Variants in MX2 observed in about 807,000 individuals in gnomAD.
MX2 encodes the protein interferon-induced GTP-binding protein Mx2.
Under a neutral mutation model 74.0 loss-of-function variants are expected in MX2, and 51 were observed. That is an observed-to-expected ratio of 0.69 (90% CI 0.55 to 0.87). The LOEUF (loss-of-function observed/expected upper bound fraction) is 0.87. Among genes scored for constraint, MX2 ranks in the 40% least tolerant of loss-of-function variants. The pLI is 0.00. For missense variants in MX2, 832 were observed against 908.7 expected (o/e 0.92, Z 1.09); for synonymous variants, 369 against 339.3 (o/e 1.09, Z -0.96).
At chr21:41,373,063 A>G (rs1362266974) in intron 1 of MX2, 1 of 152,214 alleles carries the variant, frequency 6.6e-6, no homozygotes, top group African/African-American at 2.4e-5. Flanking sequence ...GGCAGAATCC[A>G]TCAGGAAAGA....
chr21:41,372,845 A>T (rs1293155073), intron 1 of MX2: 2 of 152,256 alleles, frequency 1.3e-5, no homozygotes, highest in Non-Finnish European at 1.5e-5. Context: ...GAAATAGCTC[A>T]CATGAAGAGA....
At chr21:41,381,512 C>T (rs1014460859) in intron 4 of MX2, among the ~76,000 whole-genome samples, 1 of 151,964 alleles carries the variant, frequency 6.6e-6, no homozygotes, top group Non-Finnish European at 1.5e-5. Context: ...GGTGAAACCC[C>T]GTCTCTTCTA....
chr21:41,367,070 T>C (rs1046793506), intron 1 of MX2: 3 of 152,228 alleles, frequency 2.0e-5, no homozygotes, highest in Non-Finnish European at 4.4e-5. Flanking sequence ...GCCGCTCTGA[T>C]TGACCATAGC....
At chr21:41,371,411 T>G (rs1463692912) in intron 1 of MX2, among the ~76,000 whole-genome samples, 1 of 152,178 alleles carries the variant, frequency 6.6e-6, no homozygotes, top group African/African-American at 2.4e-5. Context: ...AAATGGCTCC[T>G]TCCAAAGAGG....
At chr21:41,373,349 C>A (rs1338235019) in intron 1 of MX2, among the ~76,000 whole-genome samples, 1 of 152,160 alleles carries the variant, frequency 6.6e-6, no homozygotes, top group Non-Finnish European at 1.5e-5. Flanking sequence ...CCCCGGCTGT[C>A]ACCAATGCAT....
chr21:41,407,526 A>G (rs2089902741), intron 13 of MX2, among the ~76,000 whole-genome samples: 1 of 152,152 alleles, frequency 6.6e-6, no homozygotes, highest in African/African-American at 2.4e-5. Context: ...ATAGCTTTTA[A>G]ACTGCAAAGA....
chr21:41,368,561 A>G lies in MX2; in HGVS notation c.-72+6506A>G, dbSNP rs78736162. On this transcript the variant is annotated intron_variant, in intron 1 of 13. Coordinates refer to ENST00000330714, the MANE Select transcript of MX2 (RefSeq NM_002463.2). This position sits in a 1 kb window ranked among gnomAD's most constrained non-coding sequence, Gnocchi z 4.6. The stretch of plus-strand genomic sequence containing the variant: ...AACTTTTCACCCCTTTATTTTGCAG[A>G]GCAATCTGTGCCCAGCTCCTGTCCT... Among the ~76,000 whole-genome samples the G allele has an allele frequency of 0.035, 5,255 of 152,304 alleles. 118 individuals are homozygous for G. Among genetic ancestry groups the G allele is most frequent in the Middle Eastern group, 0.075 (22 of 294 alleles).
intron 8 of MX2, among the ~76,000 whole-genome samples, chr21:41,398,258 A>G (rs2089761575): frequency 6.6e-6 from 1 of 152,258 alleles, no homozygotes; most frequent in African/African-American, 2.4e-5. Flanking sequence ...GTGGTGAGCC[A>G]AGATCGTGCC....
intron 1 of MX2, among the ~76,000 whole-genome samples, chr21:41,376,629 C>T (rs1338792452): frequency 6.6e-6 from 1 of 152,168 alleles, no homozygotes; most frequent in Non-Finnish European, 1.5e-5. Context: ...CCCCGTTCCC[C>T]AAGCCCGGGC....
At chr21:41,398,824 A>C (rs1180380459) in intron 8 of MX2, 73 bp from the exon 9 acceptor site, 2 of 1,567,592 alleles carry the variant, frequency 1.3e-6, no homozygotes, top group Non-Finnish European at 1.7e-6. Context: ...AAGGGCTCCT[A>C]CTCATATACC....
intron 7 of MX2, 31 bp from the exon 8 acceptor site, chr21:41,397,582 C>G: frequency 1.3e-6 from 2 of 1,597,696 alleles, no homozygotes; most frequent in Non-Finnish European, 1.7e-6. Context: ...ACAAGTCCTT[C>G]CTGAATGCAT....
At position 41,380,995 on chromosome 21, in the gene MX2, A is replaced by T. The variant is rs188368648; in HGVS notation, c.577+844A>T. Among the ~76,000 whole-genome samples, 3 of 152,320 alleles carry T rather than the reference A, an allele frequency of 2.0e-5. No individual in the cohort carries two copies. Among genetic ancestry groups the T allele is most frequent in the East Asian group, 3.9e-4 (2 of 5,174 alleles). On this transcript the variant is annotated intron_variant, in intron 4 of 13. Coordinates refer to ENST00000330714, the MANE Select transcript of MX2 (RefSeq NM_002463.2). The surrounding 1 kb of genome is among the most constrained non-coding windows in gnomAD (Gnocchi z 4.3). ...CAAGGAAGGCCTTTTGCATTACTGG[A>T]TAGCAAACTCAGTGTCTGAGCGGGG...
chr21:41,382,245 G>A (rs2145899547), intron 4 of MX2, among the ~76,000 whole-genome samples, 165 bp from the exon 5 acceptor site: 1 of 152,268 alleles, frequency 6.6e-6, no homozygotes, highest in South Asian at 2.1e-4. Context: ...CCATCTTGGT[G>A]GCTTCTGAGA....
chr21:41,377,781 T>C lies in MX2; in HGVS notation c.250-8T>C. 6.2e-7 allele frequency: 1 copy of C among 1,605,090 alleles called. No homozygotes were observed. The highest frequency in any genetic ancestry group is 8.5e-7 in the Non-Finnish European group (1 of 1,172,970). On this transcript the variant is annotated splice_polypyrimidine_tract_variant and splice_region_variant and intron_variant, in intron 2 of 13. Coordinates refer to ENST00000330714, the MANE Select transcript of MX2 (RefSeq NM_002463.2). ...TCAAGGCAGTGGCATCTGTTCTGCCTTCTCCAGGGGCCCGAGAACAACCTG... is the reference window on the plus strand; with the variant it reads ...TCAAGGCAGTGGCATCTGTTCTGCCCTCTCCAGGGGCCCGAGAACAACCTG...
At chr21:41,384,838 C>CA (rs35609324) in intron 5 of MX2, among the ~76,000 whole-genome samples, 49,325 of 119,632 alleles carry the variant, frequency 0.41, 12,426 homozygotes, top group African/African-American at 0.74. Context: ...GATTCTGTCT[C>CA]AAAAAAAAAA....
intron 8 of MX2, among the ~76,000 whole-genome samples, 154 bp from the exon 9 acceptor site, chr21:41,398,743 A>T (rs1347210084): frequency 6.6e-6 from 1 of 151,926 alleles, no homozygotes; most frequent in Admixed American, 6.6e-5. Flanking sequence ...GGTGGCCTAC[A>T]CATGTAATCC....
At chr21:41,405,756 G>A (rs1454490277) in intron 12 of MX2, among the ~76,000 whole-genome samples, 2 of 145,546 alleles carry the variant, frequency 1.4e-5, no homozygotes, top group African/African-American at 2.6e-5. Flanking sequence ...CCAGGCTGAA[G>A]TGCAATGGCG....
Position 41,398,998 on chromosome 21 carries a change from C to T in MX2, c.1251C>T (p.Asp417=). The change falls in exon 9 of 14, where the codon GAC becomes GAT. Residue 417 remains aspartate, a synonymous_variant. Transcript: ENST00000330714. ...CTGACATCCCCAGCCAGGAGGCCGA[C>T]AAGATGTTCTTTCTAATTGAGGTGA... ...CGADIPSQEA[D]KMFFLIEKIK... 6.2e-7 allele frequency: 1 copy of T among 1,613,738 alleles called. No homozygotes were observed.
intron 4 of MX2, among the ~76,000 whole-genome samples, chr21:41,381,065 CCT>C (rs1315414389): frequency 6.6e-6 from 1 of 152,240 alleles, no homozygotes; most frequent in Non-Finnish European, 1.5e-5. Flanking sequence ...CCACAGAACC[CCT>C]GTCTGCCTGG....
Sources: allele counts gnomAD v4.1 joint callset (sites outside exome capture counted in the v4.1 genomes callset), GRCh38; gene constraint gnomAD v4.1.1; non-coding constraint Gnocchi (gnomAD v3.1); transcripts MANE v1.5; gene names NCBI Gene and HGNC (gene_info 2026-07-23, HGNC 2026-07-21).